ANKRD6: variants seen among roughly 807,000 people sequenced by gnomAD.
ANKRD6 encodes the protein ankyrin repeat domain 6.
In ANKRD6, 56 loss-of-function variants were observed where a neutral mutation model predicts 82.3. That is an observed-to-expected ratio of 0.68 (90% CI 0.55 to 0.85). ANKRD6 has a LOEUF of 0.85. ANKRD6 is among the 40% of genes least tolerant of loss of function. The pLI is 0.00. For synonymous variants in ANKRD6, 347 were observed against 352.1 expected, an observed-to-expected ratio of 0.99 and a Z score of 0.16; for missense variants, 852 against 907.6, an observed-to-expected ratio of 0.94 and a Z score of 0.79.
chr6:89,533,175 G>A (rs754197518), intron 1 of ANKRD6, among the ~76,000 whole-genome samples: 5 of 151,836 alleles, frequency 3.3e-5, no homozygotes, highest in Non-Finnish European at 5.9e-5. Flanking sequence ...GCTCCTGGCC[G>A]ATTTTTTGTA....
At chr6:89,509,677 GC>G (rs773356656) in intron 1 of ANKRD6, among the ~76,000 whole-genome samples, 17 of 152,114 alleles carry the variant, frequency 1.1e-4, no homozygotes, top group Non-Finnish European at 2.1e-4. Context: ...ATTAGCACTT[GC>G]CAGGTACTGT....
At chr6:89,494,296 A>G (rs1190831893) in intron 1 of ANKRD6, among the ~76,000 whole-genome samples, 3 of 152,222 alleles carry the variant, frequency 2.0e-5, no homozygotes, top group African/African-American at 7.2e-5. Flanking sequence ...ATAACTCTTG[A>G]TCAGATGTCA....
intron 1 of ANKRD6, chr6:89,560,928 T>C (rs1388983611): frequency 1.3e-5 from 2 of 152,192 alleles, no homozygotes; most frequent in Non-Finnish European, 2.9e-5. Context: ...AGATAACACT[T>C]GGTCTGAACT....
At chr6:89,574,214 T>C (rs1020539787) in intron 2 of ANKRD6, among the ~76,000 whole-genome samples, 4 of 152,238 alleles carry the variant, frequency 2.6e-5, no homozygotes, top group African/African-American at 9.6e-5. Context: ...CAGATCATCC[T>C]GTGCTATTGG....
chr6:89,487,822 T>C (rs1397745271), intron 1 of ANKRD6, among the ~76,000 whole-genome samples: 1 of 152,146 alleles, frequency 6.6e-6, no homozygotes, highest in African/African-American at 2.4e-5. Context: ...TGTCTAGACA[T>C]ACTGGAAGAA....
intron 2 of ANKRD6, among the ~76,000 whole-genome samples, chr6:89,593,971 C>T (rs2128147204): frequency 6.6e-6 from 1 of 152,318 alleles, no homozygotes; most frequent in Non-Finnish European, 1.5e-5. Flanking sequence ...AGCAACAGGG[C>T]TAAGAAGGCT....
chr6:89,557,717 C>T (rs2128044165), intron 1 of ANKRD6, among the ~76,000 whole-genome samples: 1 of 152,276 alleles, frequency 6.6e-6, no homozygotes, highest in South Asian at 2.1e-4. Context: ...GGTGAAACTT[C>T]ATCTGTATTT....
At chr6:89,552,379 C>G (rs540892977) in intron 1 of ANKRD6, among the ~76,000 whole-genome samples, 2 of 152,286 alleles carry the variant, frequency 1.3e-5, no homozygotes, top group Admixed American at 1.3e-4. Flanking sequence ...CCCTGATGGC[C>G]AGCTGTACCT....
chr6:89,434,660 C>T (rs1439280543), intron 1 of ANKRD6, among the ~76,000 whole-genome samples: 1 of 152,118 alleles, frequency 6.6e-6, no homozygotes, highest in Non-Finnish European at 1.5e-5. Flanking sequence ...AAGCTGGTCT[C>T]GAACTCCTCC....
chr6:89,493,604 G>A (rs1294503881), intron 1 of ANKRD6, among the ~76,000 whole-genome samples: 3 of 151,892 alleles, frequency 2.0e-5, no homozygotes, highest in Admixed American at 6.6e-5. Context: ...GTAAAGACAG[G>A]GCCTCACTGT....
intron 1 of ANKRD6, among the ~76,000 whole-genome samples, chr6:89,512,824 T>G (rs1474898962): frequency 6.6e-6 from 1 of 152,230 alleles, no homozygotes; most frequent in Non-Finnish European, 1.5e-5. Context: ...TTGTCTGTCT[T>G]AGAAGAGTGA....
chr6:89,461,659 G>T (rs1032512786), intron 1 of ANKRD6, among the ~76,000 whole-genome samples: 1 of 152,094 alleles, frequency 6.6e-6, no homozygotes, highest in African/African-American at 2.4e-5. Context: ...TTAAAATATG[G>T]TAGTATAAGC....
chr6:89,447,514 T>C (rs1772237217), intron 1 of ANKRD6, among the ~76,000 whole-genome samples: 1 of 152,180 alleles, frequency 6.6e-6, no homozygotes, highest in Non-Finnish European at 1.5e-5. Flanking sequence ...AAACCATCTC[T>C]GTAACATAAA....
chr6:89,548,685 A>G (rs1233503535), intron 1 of ANKRD6, among the ~76,000 whole-genome samples: 1 of 152,228 alleles, frequency 6.6e-6, no homozygotes, highest in Non-Finnish European at 1.5e-5. Context: ...AGCATATTAT[A>G]GAGAGGAGAG....
rs138499643 is a variant in ANKRD6, at chr6:89,605,877, G to A, written c.319-130G>A. 342 of 521,326 alleles carry A rather than the reference G, an allele frequency of 6.6e-4. 1 individual carries two copies. The highest frequency in any genetic ancestry group is 1.3e-3 in the South Asian group (29 of 22,126). 32.3% of individuals were successfully genotyped at this position (521,326 alleles called of 1,614,324 possible). A position where few individuals can be genotyped will look rare whatever the true frequency, so the allele number is the denominator to read the frequency against. ...CTCAAATCATCTTCTGTAGTCTGTG[G>A]CTCAGATGAGAAAGTCCAATTGAGA... On this transcript the variant is annotated intron_variant, in intron 4 of 15. Coordinates refer to ENST00000339746, the MANE Select transcript of ANKRD6 (RefSeq NM_001242809.2).
intron 1 of ANKRD6, among the ~76,000 whole-genome samples, chr6:89,449,783 G>T (rs1044994697): frequency 6.6e-6 from 1 of 152,044 alleles, no homozygotes; most frequent in African/African-American, 2.4e-5. Context: ...GCTTGCCATT[G>T]TGCATCTCAG....
chr6:89,521,576 C>T (rs1781893876), intron 1 of ANKRD6, among the ~76,000 whole-genome samples: 1 of 152,102 alleles, frequency 6.6e-6, no homozygotes, highest in Non-Finnish European at 1.5e-5. Flanking sequence ...GAACTGTGGC[C>T]TCAATGAGAA....
chr6:89,508,059 T>G (rs1184072650), intron 1 of ANKRD6, among the ~76,000 whole-genome samples: 1 of 152,240 alleles, frequency 6.6e-6, no homozygotes, highest in Non-Finnish European at 1.5e-5. Flanking sequence ...TATATTTTAT[T>G]AAGCTTGCTT....
chr6:89,590,488 C>T (rs1794668624), intron 2 of ANKRD6, among the ~76,000 whole-genome samples: 1 of 152,154 alleles, frequency 6.6e-6, no homozygotes. Flanking sequence ...CCAACCTCCC[C>T]AGGAGAGCCA....
Sources: gnomAD v4.1 joint callset for allele counts (sites outside exome capture counted in the v4.1 genomes callset) on GRCh38, gnomAD v4.1.1 for gene constraint, MANE v1.5 for transcripts, NCBI Gene and HGNC (gene_info 2026-07-23, HGNC 2026-07-21) for gene names.